Variants in RBL1 observed in about 807,000 individuals in gnomAD.
RBL1 encodes retinoblastoma-like protein 1.
Under a neutral mutation model 123.0 loss-of-function variants are expected in RBL1, and 82 were observed. The observed-to-expected ratio is 0.67, with a 90% CI of 0.56 to 0.80. The LOEUF (loss-of-function observed/expected upper bound fraction) is 0.80. Ranked by LOEUF, RBL1 falls within the 30% of genes least tolerant of loss-of-function variation. RBL1 has a pLI of 0.00. For synonymous variants in RBL1, 405 were observed against 441.3 expected, an observed-to-expected ratio of 0.92 and a Z score of 1.03; for missense variants, 1,171 against 1,299.6, an observed-to-expected ratio of 0.90 and a Z score of 1.52.
At chr20:37,059,720 TCTC>T (rs1259826833) in intron 9 of RBL1, among the ~76,000 whole-genome samples, 1 of 152,148 alleles carries the variant, frequency 6.6e-6, no homozygotes, top group Non-Finnish European at 1.5e-5. Context: ...ATCATATCTC[TCTC>T]CTCATTTGGT....
intron 1 of RBL1, among the ~76,000 whole-genome samples, chr20:37,095,208 C>G (rs891515278): frequency 6.6e-6 from 1 of 152,174 alleles, no homozygotes; most frequent in Admixed American, 6.5e-5. Context: ...TGGCTTTGAT[C>G]AAACTGCTGC....
chr20:37,054,784 C>T (rs1156253615), intron 11 of RBL1, among the ~76,000 whole-genome samples: 2 of 151,776 alleles, frequency 1.3e-5, no homozygotes, highest in African/African-American at 4.8e-5. Context: ...GAGCCGAGAT[C>T]GTGCCACTGC....
chr20:37,080,005 A>G (rs991818564), intron 2 of RBL1, among the ~76,000 whole-genome samples: 1 of 152,198 alleles, frequency 6.6e-6, no homozygotes, highest in Non-Finnish European at 1.5e-5. Context: ...AATAAATTTA[A>G]AAAAATAGTC....
intron 19 of RBL1, among the ~76,000 whole-genome samples, chr20:37,012,831 G>A (rs1244251273): frequency 1.3e-5 from 2 of 151,078 alleles, no homozygotes; most frequent in Non-Finnish European, 3.0e-5. Context: ...CGTCAGGGAG[G>A]TGAGGGGCGC....
At position 37,036,561 on chromosome 20, in the gene RBL1, C is replaced by T. The variant is rs565775196; in HGVS notation, c.1904-1053G>A. ...GATTACAAGCTTCAGCCACCGTGCC[C>T]GGCCTTCATTATTTATTTTTACATT... On this transcript the variant is annotated intron_variant, in intron 14 of 21. Transcript: ENST00000373664. Among the ~76,000 whole-genome samples, 64 of 151,802 alleles carry T rather than the reference C, an allele frequency of 4.2e-4. 1 individual carries two copies. Among genetic ancestry groups the T allele is most frequent in the South Asian group, 1.5e-3 (7 of 4,820 alleles).
intron 19 of RBL1, among the ~76,000 whole-genome samples, chr20:37,012,894 C>T (rs1280319748): frequency 1.4e-5 from 2 of 146,504 alleles, no homozygotes; most frequent in Non-Finnish European, 1.5e-5. Flanking sequence ...CCCGGCCAGC[C>T]GCCCCGTCCG....
intron 2 of RBL1, among the ~76,000 whole-genome samples, chr20:37,070,424 C>T (rs945174709): frequency 6.6e-6 from 1 of 151,744 alleles, no homozygotes; most frequent in Non-Finnish European, 1.5e-5. Context: ...TCCTATGACC[C>T]TGCCAAATCC....
At chr20:37,088,960 T>C (rs780356461) in intron 2 of RBL1, 29 bp downstream of exon 2, 1 of 1,451,150 alleles carries the variant, frequency 6.9e-7, no homozygotes, top group Non-Finnish European at 9.2e-7. Flanking sequence ...AGAGCTTATA[T>C]AACATTTAAA....
Position 37,004,495 on chromosome 20 carries a change from C to CT in RBL1, c.2872-630dup, listed in dbSNP as rs1204617359. 4.0e-5 allele frequency among the ~76,000 whole-genome samples: 6 copies of CT among 148,874 alleles called. No homozygotes were observed. The South Asian group carries it at 6.4e-4, about 16-fold the overall frequency. On this transcript the variant is annotated intron_variant, in intron 20 of 21. Transcript: ENST00000373664. ...TGGGAGGCTGAGATGGGCGGATCAC[C>CT]TGAGGTCAGGAGTTTGAGACCAGCC...
intron 16 of RBL1, among the ~76,000 whole-genome samples, chr20:37,024,275 C>T (rs1412802167): frequency 6.6e-6 from 1 of 152,158 alleles, no homozygotes; most frequent in African/African-American, 2.4e-5. Flanking sequence ...AAATTTTCTG[C>T]ATCCTCTCCC....
At chr20:37,064,616 T>C (rs1421823539) in intron 7 of RBL1, among the ~76,000 whole-genome samples, 1 of 152,062 alleles carries the variant, frequency 6.6e-6, no homozygotes, top group Non-Finnish European at 1.5e-5. Flanking sequence ...TCAATAATTT[T>C]TTTTTTTAAT....
At chr20:36,999,733 A>G (rs552391403) in intron 21 of RBL1, among the ~76,000 whole-genome samples, 83 of 151,962 alleles carry the variant, frequency 5.5e-4, no homozygotes, top group African/African-American at 1.8e-3. Flanking sequence ...ACCGCGAGTG[A>G]TCCGCCAGCC....
In RBL1 at chr20:36,997,405, G is replaced by A. The variant is rs2063900014; in HGVS notation, c.*1354C>T. 6.6e-6 allele frequency: 1 copy of A among 152,142 alleles called. No individual in the cohort carries two copies. The highest frequency in any genetic ancestry group is 2.4e-5 in the African/African-American group (1 of 41,430). 9.4% of individuals were successfully genotyped at this position (152,142 alleles called of 1,614,324 possible). A position where few individuals can be genotyped will look rare whatever the true frequency, so the allele number is the denominator to read the frequency against. On this transcript the variant is annotated 3_prime_UTR_variant, in exon 22 of 22. Coordinates refer to ENST00000373664, the MANE Select transcript of RBL1 (RefSeq NM_002895.5). ...TAAAAAACATCTTCAGGAGTACCCA[G>A]TGGTCAAACACTAGCAGGAAACTCA...
intron 19 of RBL1, among the ~76,000 whole-genome samples, chr20:37,009,086 G>C (rs996580681): frequency 1.3e-4 from 20 of 151,528 alleles, no homozygotes; most frequent in Admixed American, 3.9e-4. Context: ...GTGCAGTGGT[G>C]CAATCTCGGC....
chr20:37,051,992 T>C (rs2064922453), intron 11 of RBL1, among the ~76,000 whole-genome samples: 1 of 151,588 alleles, frequency 6.6e-6, no homozygotes, highest in Admixed American at 6.6e-5. Flanking sequence ...CAAAGAAAAT[T>C]ACCAGGGACA....
At chr20:37,086,412 C>G (rs577396103) in intron 2 of RBL1, among the ~76,000 whole-genome samples, 15 of 152,088 alleles carry the variant, frequency 9.9e-5, no homozygotes, top group Admixed American at 8.5e-4. Context: ...CATGGTGAAA[C>G]CCTCTCCCTA....
chr20:37,001,952 C>G (rs1219923148), intron 21 of RBL1, among the ~76,000 whole-genome samples: 17 of 144,214 alleles, frequency 1.2e-4, no homozygotes, highest in Non-Finnish European at 2.3e-4. Context: ...ACAAACCAAA[C>G]CAATCCAAAC....
intron 1 of RBL1, among the ~76,000 whole-genome samples, chr20:37,092,306 G>A (rs1323718668): frequency 2.0e-5 from 3 of 152,150 alleles, no homozygotes; most frequent in South Asian, 2.1e-4. Flanking sequence ...TTATTGTTTC[G>A]ATTTTTTTAA....
In RBL1 at chr20:37,020,623, C is replaced by T. The variant is rs752463140; in HGVS notation, c.2631+36G>A. ...AACTTGTCAGTGGAAAAGAGTAAAT[C>T]TATTTTTGGACAGTAGGAAAAATAA... is the stretch of plus-strand genomic sequence containing the variant. On this transcript the variant is annotated intron_variant, in intron 18 of 21. Coordinates refer to ENST00000373664, the MANE Select transcript of RBL1 (RefSeq NM_002895.5). 3.6e-6 allele frequency: 5 copies of T among 1,376,304 alleles called. No individual in the cohort carries two copies. The South Asian group carries it at 5.2e-5, about 14-fold the overall frequency. The allele number at this position is 1,376,304 out of a possible 1,614,324, so 85.3% of individuals were successfully genotyped here. A position where few individuals can be genotyped will look rare whatever the true frequency, so the allele number is the denominator to read the frequency against.
Sources: gnomAD v4.1 joint callset for allele counts (sites outside exome capture counted in the v4.1 genomes callset) on GRCh38, gnomAD v4.1.1 for gene constraint, MANE v1.5 for transcripts, NCBI Gene and HGNC (gene_info 2026-07-23, HGNC 2026-07-21) for gene names.